PACRG: variants seen among roughly 807,000 people sequenced by gnomAD.
The protein encoded by PACRG is parkin coregulated gene protein.
Under a neutral mutation model 29.7 loss-of-function variants are expected in PACRG, and 29 were observed. The ratio of observed to expected loss-of-function variants is 0.98; its 90% CI spans 0.73 to 1.33. The LOEUF (loss-of-function observed/expected upper bound fraction) is 1.33, where lower values mean the gene tolerates loss of function less well. PACRG is among the 40% of genes most tolerant of loss of function. The probability of loss-of-function intolerance (pLI) is 0.00; values close to 1 mark genes in which losing one functional copy is unlikely to be tolerated. For missense variants in PACRG, 279 were observed against 316.2 expected (o/e 0.88, Z 0.89); for synonymous variants, 116 against 118.7 (o/e 0.98, Z 0.15).
chr6:162,758,867 G>A (rs1381362906), intron 1 of PACRG, among the ~76,000 whole-genome samples: 1 of 152,082 alleles, frequency 6.6e-6, no homozygotes, highest in African/African-American at 2.4e-5. Context: ...TTGAAAAGCA[G>A]TATACATTTC....
At chr6:163,080,780 G>T (rs545773137) in intron 3 of PACRG, among the ~76,000 whole-genome samples, 2 of 152,294 alleles carry the variant, frequency 1.3e-5, no homozygotes, top group East Asian at 3.9e-4. Context: ...AACTTTGATG[G>T]AAAATCTGAG....
chr6:162,735,349 T>A (rs1469541167), intron 1 of PACRG, among the ~76,000 whole-genome samples: 1 of 152,188 alleles, frequency 6.6e-6, no homozygotes, highest in Admixed American at 6.5e-5. Context: ...AAATTTAAAC[T>A]CTTTCCAGTG....
chr6:162,788,839 CA>C (rs1485586445), intron 1 of PACRG, among the ~76,000 whole-genome samples: 1 of 152,112 alleles, frequency 6.6e-6, no homozygotes, highest in African/African-American at 2.4e-5. Context: ...TTGACCATTT[CA>C]AAATAAGGTT....
intron 4 of PACRG, among the ~76,000 whole-genome samples, chr6:163,195,763 G>T (rs907263937): frequency 6.6e-5 from 10 of 152,114 alleles, no homozygotes; most frequent in Admixed American, 5.9e-4. Flanking sequence ...ACACAGTCAC[G>T]CTGCTTTCAA....
At chr6:162,896,376 C>T (rs905880192) in intron 2 of PACRG, among the ~76,000 whole-genome samples, 1 of 152,222 alleles carries the variant, frequency 6.6e-6, no homozygotes, top group African/African-American at 2.4e-5. Context: ...TTCACGCTTA[C>T]TGCGGACTGT....
intron 4 of PACRG, among the ~76,000 whole-genome samples, chr6:163,262,874 C>A (rs371667328): frequency 2.7e-5 from 4 of 148,226 alleles, no homozygotes; most frequent in South Asian, 2.3e-4. Flanking sequence ...AGACCCCCCC[C>A]CCCATGTCAA....
intron 1 of PACRG, among the ~76,000 whole-genome samples, chr6:162,767,424 T>C (rs896640935): frequency 6.6e-6 from 1 of 151,918 alleles, no homozygotes; most frequent in African/African-American, 2.4e-5. Flanking sequence ...TTCTTCTTCC[T>C]TAAAGCCTAT....
chr6:163,047,953 C>T (rs1459903351), intron 2 of PACRG, among the ~76,000 whole-genome samples: 1 of 152,148 alleles, frequency 6.6e-6, no homozygotes, highest in East Asian at 1.9e-4. Context: ...TGTTTTACTT[C>T]ATCTCTTGCT....
At chr6:163,226,147 A>C (rs1484555495) in intron 4 of PACRG, among the ~76,000 whole-genome samples, 1 of 152,252 alleles carries the variant, frequency 6.6e-6, no homozygotes, top group Non-Finnish European at 1.5e-5. Context: ...CATATGTGGA[A>C]TCTAAAGTCA....
At chr6:162,927,077 G>A (rs1465788961) in intron 2 of PACRG, among the ~76,000 whole-genome samples, 2 of 152,144 alleles carry the variant, frequency 1.3e-5, no homozygotes, top group East Asian at 1.9e-4. Context: ...GATCATTAGA[G>A]AAATGCAAAT....
intron 2 of PACRG, among the ~76,000 whole-genome samples, chr6:163,018,792 TTC>T (rs10602126): frequency 0.45 from 69,038 of 151,816 alleles, 16,470 homozygotes; most frequent in East Asian, 0.72. Context: ...GTCAGCACTA[TTC>T]TGTTCCGTTG....
At position 163,073,587 on chromosome 6, in the gene PACRG, C is replaced by T. The variant is rs1017990317; in HGVS notation, c.463+11266C>T. On this transcript the variant is annotated intron_variant, in intron 3 of 4. Transcript: ENST00000366888. The stretch of plus-strand genomic sequence containing the variant: ...CAAAGCAAAAATGGACAAATGGGAT[C>T]GCATCAAGTTATAAACCTTTTGCAT... 2.6e-5 allele frequency among the ~76,000 whole-genome samples: 4 copies of T among 152,116 alleles called. No individual in the cohort carries two copies. In the East Asian group the frequency reaches 5.8e-4, roughly 22 times the overall value.
intron 4 of PACRG, among the ~76,000 whole-genome samples, chr6:163,273,890 A>C (rs1783932562): frequency 6.6e-6 from 1 of 152,116 alleles, no homozygotes; most frequent in South Asian, 2.1e-4. Flanking sequence ...TAACTTTTTG[A>C]GTTAGTTTAA....
At chr6:163,249,489 G>A (rs1012308461) in intron 4 of PACRG, among the ~76,000 whole-genome samples, 13 of 152,180 alleles carry the variant, frequency 8.5e-5, no homozygotes. Flanking sequence ...TGACTGAAAG[G>A]TCCCAAGTTA....
intron 4 of PACRG, among the ~76,000 whole-genome samples, chr6:163,109,393 C>A (rs568619): frequency 6.6e-6 from 1 of 152,036 alleles, no homozygotes; most frequent in African/African-American, 2.4e-5. Context: ...TCTTTGTTCT[C>A]CATGCAGCAA....
At chr6:163,284,410 G>T (rs1784324470) in intron 4 of PACRG, among the ~76,000 whole-genome samples, 2 of 152,218 alleles carry the variant, frequency 1.3e-5, no homozygotes, top group African/African-American at 4.8e-5. Context: ...TCACGGGCAT[G>T]AATTTCTTCC....
At chr6:163,040,237 G>C (rs1358105698) in intron 2 of PACRG, among the ~76,000 whole-genome samples, 1 of 152,206 alleles carries the variant, frequency 6.6e-6, no homozygotes, top group African/African-American at 2.4e-5. Context: ...ACAAGGTTTT[G>C]GGCCCGCAGG....
At chr6:163,245,194 C>T (rs1160060621) in intron 4 of PACRG, 3 of 299,620 alleles carry the variant, frequency 1.0e-5, no homozygotes, top group African/African-American at 4.4e-5. Context: ...GGATGTTCTA[C>T]GTACATTTAG....
chr6:162,984,056 C>T (rs4464765), intron 2 of PACRG, among the ~76,000 whole-genome samples: 62,981 of 151,566 alleles, frequency 0.42, 13,399 homozygotes, highest in East Asian at 0.7. Context: ...TTTTGGGAAA[C>T]GGGTGGTGTT....
Sources: allele counts gnomAD v4.1 joint callset (sites outside exome capture counted in the v4.1 genomes callset), GRCh38; gene constraint gnomAD v4.1.1; transcripts MANE v1.5; gene names NCBI Gene and HGNC (gene_info 2026-07-23, HGNC 2026-07-21).